The following HDLBP variants were observed in gnomAD, a reference collection of about 807,000 sequenced individuals.
The protein encoded by HDLBP is vigilin.
In HDLBP, 30 loss-of-function variants were observed where a neutral mutation model predicts 137.3. That is an observed-to-expected ratio of 0.22 (90% CI 0.16 to 0.30). HDLBP has a LOEUF of 0.30. Among genes scored for constraint, HDLBP ranks in the 10% least tolerant of loss-of-function variants. HDLBP has a pLI of 1.00. For synonymous variants in HDLBP, 606 were observed against 596.0 expected (o/e 1.02, Z -0.24); for missense variants, 1,119 against 1,667.3 (o/e 0.67, Z 5.73).
chr2:241,260,919 G>A (rs888813922), intron 5 of HDLBP, among the ~76,000 whole-genome samples: 2 of 152,232 alleles, frequency 1.3e-5, no homozygotes, highest in South Asian at 4.2e-4. Flanking sequence ...GGCTGGGCGT[G>A]GTGGCTCACA....
intron 24 of HDLBP, chr2:241,231,366 A>G (rs1446234292): frequency 2.0e-5 from 3 of 151,318 alleles, no homozygotes; most frequent in African/African-American, 7.5e-5. Context: ...CCTGGGCAAC[A>G]GAGCAAAACT....
intron 4 of HDLBP, among the ~76,000 whole-genome samples, chr2:241,263,149 G>C (rs1009572309): frequency 1.3e-5 from 2 of 152,218 alleles, no homozygotes; most frequent in Non-Finnish European, 2.9e-5. Flanking sequence ...CTGCACAAAT[G>C]AATGAGGCAG....
At chr2:241,308,454 C>A (rs1199429629) in intron 1 of HDLBP, among the ~76,000 whole-genome samples, 2 of 152,204 alleles carry the variant, frequency 1.3e-5, no homozygotes, top group Non-Finnish European at 2.9e-5. Context: ...CATCTTTTGC[C>A]TCAATTAGTC....
intron 14 of HDLBP, 65 bp downstream of exon 14, chr2:241,247,938 G>T: frequency 1.8e-6 from 2 of 1,133,728 alleles, no homozygotes; most frequent in Non-Finnish European, 2.7e-6. Context: ...CAGGACTTCT[G>T]ACAGGACGCA....
chr2:241,281,889 G>A (rs1480537874), intron 1 of HDLBP, among the ~76,000 whole-genome samples: 1 of 152,126 alleles, frequency 6.6e-6, no homozygotes, highest in Non-Finnish European at 1.5e-5. Context: ...GCTCATATTG[G>A]ACAGCAGTGC....
intron 1 of HDLBP, among the ~76,000 whole-genome samples, chr2:241,270,618 C>T (rs889200754): frequency 6.6e-6 from 1 of 152,178 alleles, no homozygotes; most frequent in Non-Finnish European, 1.5e-5. Context: ...GCTCCCAATC[C>T]AGTGAGGCAC....
At position 241,233,054 on chromosome 2, in the gene HDLBP, G is replaced by A. The variant is rs1027942081; in HGVS notation, c.3288+766C>T. Among the ~76,000 whole-genome samples the A allele has an allele frequency of 1.3e-5, 2 of 152,150 alleles. No individual in the cohort carries two copies. The highest frequency in any genetic ancestry group is 1.3e-4 in the Admixed American group (2 of 15,278). ...CATCCACAGTGGGAGCGAGGGGCGT[G>A]GAGGGGCTCTGCTGCCAGGGGGTTT... On this transcript the variant is annotated intron_variant, in intron 24 of 27. Transcript: ENST00000310931. This position sits in a 1 kb window ranked among gnomAD's most constrained non-coding sequence, Gnocchi z 4.3.
chr2:241,308,161 G>C (rs2075640789), intron 1 of HDLBP, among the ~76,000 whole-genome samples: 1 of 152,092 alleles, frequency 6.6e-6, no homozygotes, highest in South Asian at 2.1e-4. Context: ...CGATTTTAAT[G>C]GCAACTCTGA....
chr2:241,241,566 C>CAAAAAAAAA (rs56864201), intron 17 of HDLBP, among the ~76,000 whole-genome samples: 1 of 31,470 alleles, frequency 3.2e-5, no homozygotes. Context: ...GACTCCGTCT[C>CAAAAAAAAA]AAAAAAAAAA....
intron 1 of HDLBP, among the ~76,000 whole-genome samples, chr2:241,296,031 AT>A (rs139523542): frequency 6.7e-6 from 1 of 149,136 alleles, no homozygotes; most frequent in Non-Finnish European, 1.5e-5. Context: ...CCAGTAGGAT[AT>A]TTTTTTAACT....
Position 241,235,152 on chromosome 2 carries a change from A to G in HDLBP, c.3113T>C (p.Val1038Ala), listed in dbSNP as rs1559478250. 3.7e-6 allele frequency: 6 copies of G among 1,613,846 alleles called. No homozygotes were observed. Among genetic ancestry groups the G allele is most frequent in the Non-Finnish European group, 5.1e-6 (6 of 1,179,982 alleles). Residue 1038 changes from valine (V) to alanine (A), a missense_variant, in exon 23 of 28, where the codon GTG becomes GCG. Coordinates refer to ENST00000310931, the MANE Select transcript of HDLBP (RefSeq NM_005336.6). ...DRAKAGLLER[V>A]KELQAEQEDR... ...CTCCTGCTCGGCCTGTAGCTCCTTC[A>G]CACGCTCCAGCAGTCCAGCCTTGGC...
At chr2:241,314,324 A>G (rs2075903014) in intron 1 of HDLBP, among the ~76,000 whole-genome samples, 1 of 152,252 alleles carries the variant, frequency 6.6e-6, no homozygotes, top group Non-Finnish European at 1.5e-5. Flanking sequence ...CTAAATGAAC[A>G]TTAAGCTTAT....
intron 5 of HDLBP, among the ~76,000 whole-genome samples, chr2:241,261,872 T>C (rs1402790016): frequency 6.6e-6 from 1 of 152,130 alleles, no homozygotes; most frequent in Non-Finnish European, 1.5e-5. Flanking sequence ...CAAATCCCCA[T>C]CGTCCAATCA....
At chr2:241,306,101 T>C (rs1361887951) in intron 1 of HDLBP, among the ~76,000 whole-genome samples, 1 of 151,918 alleles carries the variant, frequency 6.6e-6, no homozygotes, top group African/African-American at 2.4e-5. Context: ...CATTCATGGA[T>C]TCTTAAACGT....
intron 1 of HDLBP, among the ~76,000 whole-genome samples, chr2:241,305,487 G>T (rs1051066146): frequency 6.6e-6 from 1 of 152,166 alleles, no homozygotes; most frequent in Non-Finnish European, 1.5e-5. Flanking sequence ...GCCCTTTCAA[G>T]GACTGACCCT....
chr2:241,247,945 C>G, intron 14 of HDLBP, 58 bp downstream of exon 14: 1 of 1,204,506 alleles, frequency 8.3e-7, no homozygotes, highest in Non-Finnish European at 1.2e-6. Context: ...TCTGACAGGA[C>G]GCATGCCCCA....
At chr2:241,267,993 C>T in intron 2 of HDLBP, 1 of 974,498 alleles carries the variant, frequency 1.0e-6, no homozygotes. Context: ...CTCTCCTTCC[C>T]TCTCCTTCCC....
In HDLBP at chr2:241,246,879, C is replaced by A; in HGVS notation, c.1823G>T (p.Arg608Leu). 1 of 1,614,134 alleles carries A rather than the reference C, an allele frequency of 6.2e-7. No individual in the cohort carries two copies. The highest frequency in any genetic ancestry group is 8.5e-7 in the Non-Finnish European group (1 of 1,179,980). Residue 608 changes from arginine to leucine, a missense_variant, in exon 16 of 28, where the codon CGT becomes CTT. Physicochemically the swap from Arg to Leu is moderately radical, Grantham distance 102. Around this residue, in one of 4 missense-constraint regions of HDLBP, gnomAD observed 425 missense variants for 693.9 expected, o/e 0.61. Coordinates refer to ENST00000310931, the MANE Select transcript of HDLBP (RefSeq NM_005336.6). ...GTCGATTTTGGTGTTGCTTTCTTCA[C>A]GAATCTACAGGGAGAGAGATCACCA... The part of the protein sequence containing the change: ...GKGGANIKKI[R>L]EESNTKIDLP...
rs776362930 is a variant in HDLBP, at chr2:241,238,502, G to A, written c.2749+147C>T. On this transcript the variant is annotated intron_variant, in intron 20 of 27. Coordinates refer to ENST00000310931, the MANE Select transcript of HDLBP (RefSeq NM_005336.6). This position sits in a 1 kb window ranked among gnomAD's most constrained non-coding sequence, Gnocchi z 4.9. Reference sequence around the variant, plus strand: ...GTCCATCTTTTAAAGGCCAGGGAGTGACCCTGAACCTCTGGAAGCCCCCAG... The same window carrying A: ...GTCCATCTTTTAAAGGCCAGGGAGTAACCCTGAACCTCTGGAAGCCCCCAG... The A allele has an allele frequency of 6.9e-6, 4 of 582,878 alleles. No individual in the cohort carries two copies. The highest frequency in any genetic ancestry group is 2.9e-5 in the Admixed American group (1 of 33,950). The allele number at this position is 582,878 out of a possible 1,614,324, so 36.1% of individuals were successfully genotyped here.
Sources: allele counts gnomAD v4.1 joint callset (sites outside exome capture counted in the v4.1 genomes callset), GRCh38; gene constraint gnomAD v4.1.1; regional missense constraint gnomAD v4.1.1; non-coding constraint Gnocchi (gnomAD v3.1); transcripts MANE v1.5; gene names NCBI Gene and HGNC (gene_info 2026-07-23, HGNC 2026-07-21).